Variants in DENND1B observed in about 807,000 individuals in gnomAD.
DENND1B encodes the protein DENN domain-containing protein 1B.
In DENND1B, 59 loss-of-function variants were observed where a neutral mutation model predicts 90.1. That is an observed-to-expected ratio of 0.65 (90% CI 0.53 to 0.81). The LOEUF (loss-of-function observed/expected upper bound fraction) is 0.81, where lower values mean the gene tolerates loss of function less well. Ranked by LOEUF, DENND1B falls within the 40% of genes least tolerant of loss-of-function variation. DENND1B has a pLI of 0.00. For synonymous variants in DENND1B, 337 were observed against 324.6 expected, an observed-to-expected ratio of 1.04 and a Z score of -0.41; for missense variants, 862 against 912.6, an observed-to-expected ratio of 0.94 and a Z score of 0.71.
chr1:197,646,692 G>A (rs988255188), intron 8 of DENND1B, among the ~76,000 whole-genome samples: 2 of 151,948 alleles, frequency 1.3e-5, no homozygotes, highest in Non-Finnish European at 2.9e-5. Flanking sequence ...TTCCAGGGTA[G>A]AAGAACAATA....
chr1:197,542,643 T>C (rs749458682), intron 18 of DENND1B, among the ~76,000 whole-genome samples: 5 of 152,196 alleles, frequency 3.3e-5, no homozygotes, highest in African/African-American at 4.8e-5. Flanking sequence ...AATTCTGTTA[T>C]ACCACACAAC....
chr1:197,604,343 T>C (rs1676478713), intron 13 of DENND1B, among the ~76,000 whole-genome samples: 1 of 151,312 alleles, frequency 6.6e-6, no homozygotes, highest in Admixed American at 6.6e-5. Context: ...ATTTTTCCAA[T>C]TTTAAATACC....
intron 20 of DENND1B, among the ~76,000 whole-genome samples, chr1:197,535,086 C>T (rs1230043416): frequency 6.6e-6 from 1 of 152,172 alleles, no homozygotes; most frequent in Non-Finnish European, 1.5e-5. Context: ...TTTCCTTGCC[C>T]AATGTGCAAA....
At chr1:197,554,218 G>A (rs1671507536) in intron 15 of DENND1B, among the ~76,000 whole-genome samples, 1 of 150,900 alleles carries the variant, frequency 6.6e-6, no homozygotes, top group Admixed American at 6.6e-5. Flanking sequence ...ATATGTTGTG[G>A]TTTACTCCAT....
At chr1:197,704,382 A>G (rs1659323752) in intron 3 of DENND1B, among the ~76,000 whole-genome samples, 1 of 152,182 alleles carries the variant, frequency 6.6e-6, no homozygotes, top group Admixed American at 6.5e-5. Context: ...AACTACTAAA[A>G]TAACTACCAA....
At chr1:197,703,265 C>T (rs912756943) in intron 3 of DENND1B, among the ~76,000 whole-genome samples, 1 of 150,910 alleles carries the variant, frequency 6.6e-6, no homozygotes, top group East Asian at 2.0e-4. Context: ...GGATTATACA[C>T]GTGAGCCACA....
intron 2 of DENND1B, among the ~76,000 whole-genome samples, chr1:197,723,594 A>G (rs536370356): frequency 5.1e-4 from 77 of 152,300 alleles, no homozygotes; most frequent in African/African-American, 1.6e-3. Context: ...CGTTTTTATA[A>G]GAACACAGGG....
intron 17 of DENND1B, 32 bp from the exon 18 acceptor site, chr1:197,546,022 A>C (rs774089180): frequency 6.4e-7 from 1 of 1,562,996 alleles, no homozygotes; most frequent in South Asian, 1.2e-5. Context: ...ATATTTCCAA[A>C]AACTTTTAGC....
At chr1:197,550,287 A>G (rs908217987) in intron 16 of DENND1B, among the ~76,000 whole-genome samples, 1 of 152,136 alleles carries the variant, frequency 6.6e-6, no homozygotes, top group African/African-American at 2.4e-5. Flanking sequence ...TTGCATTAAG[A>G]AAATCTACTA....
intron 20 of DENND1B, among the ~76,000 whole-genome samples, chr1:197,524,090 C>G (rs987124301): frequency 6.6e-6 from 1 of 151,480 alleles, no homozygotes; most frequent in Non-Finnish European, 1.5e-5. Context: ...AAATGAAACA[C>G]AAAGGAAGAA....
chr1:197,717,219 GA>G (rs1660732499), intron 2 of DENND1B, among the ~76,000 whole-genome samples: 1 of 151,840 alleles, frequency 6.6e-6, no homozygotes, highest in African/African-American at 2.4e-5. Flanking sequence ...AAAGGGCTCT[GA>G]AAAAAATAAT....
At chr1:197,732,370 T>C (rs1398684649) in intron 2 of DENND1B, among the ~76,000 whole-genome samples, 3 of 152,168 alleles carry the variant, frequency 2.0e-5, no homozygotes, top group Admixed American at 6.5e-5. Flanking sequence ...CTTATCTCTT[T>C]GCCCTTACCT....
intron 21 of DENND1B, 50 bp from the exon 22 acceptor site, chr1:197,511,994 C>T (rs766866237): frequency 1.4e-6 from 2 of 1,396,910 alleles, no homozygotes; most frequent in Non-Finnish European, 2.0e-6. Context: ...ATATTTGCTG[C>T]ATGTAAGTAA....
chr1:197,772,079 T>G (rs1656691154), intron 2 of DENND1B, among the ~76,000 whole-genome samples: 1 of 152,200 alleles, frequency 6.6e-6, no homozygotes, highest in African/African-American at 2.4e-5. Context: ...AAAAGTGCTG[T>G]GCTATTGGAG....
At chr1:197,558,906 T>A (rs1323919288) in intron 15 of DENND1B, among the ~76,000 whole-genome samples, 1 of 151,916 alleles carries the variant, frequency 6.6e-6, no homozygotes, top group Non-Finnish European at 1.5e-5. Context: ...ATTTTTTAAA[T>A]ACAATTAAAT....
intron 2 of DENND1B, among the ~76,000 whole-genome samples, chr1:197,742,689 T>C (rs1289948528): frequency 1.3e-5 from 2 of 152,192 alleles, no homozygotes; most frequent in Non-Finnish European, 2.9e-5. Flanking sequence ...TTCAGAACTG[T>C]AGCACACAAA....
At chr1:197,520,553 A>C (rs1668701509) in intron 20 of DENND1B, among the ~76,000 whole-genome samples, 1 of 151,938 alleles carries the variant, frequency 6.6e-6, no homozygotes, top group African/African-American at 2.4e-5. Context: ...AGATCAAATA[A>C]GAAGGTATAG....
intron 20 of DENND1B, among the ~76,000 whole-genome samples, chr1:197,538,656 ATTTTTTTTTTT>A (rs67761711): frequency 9.4e-6 from 1 of 105,882 alleles, no homozygotes; most frequent in African/African-American, 3.8e-5. Flanking sequence ...AATTAATGGG[ATTTTTTTTTTT>A]TTTTTTTTTT....
At chr1:197,618,376 T>A (rs978515395) in intron 10 of DENND1B, among the ~76,000 whole-genome samples, 2 of 151,236 alleles carry the variant, frequency 1.3e-5, no homozygotes. Flanking sequence ...GCTTGACAGC[T>A]GTACTACAGG....
Sources: allele counts gnomAD v4.1 joint callset (sites outside exome capture counted in the v4.1 genomes callset), GRCh38; gene constraint gnomAD v4.1.1; transcripts MANE v1.5; gene names NCBI Gene and HGNC (gene_info 2026-07-23, HGNC 2026-07-21).